RABGAP1L: variants seen among roughly 807,000 people sequenced by gnomAD.
RABGAP1L encodes RAB GTPase activating protein 1 like.
In RABGAP1L, 63 loss-of-function variants were observed where a neutral mutation model predicts 137.7. That is an observed-to-expected ratio of 0.46 (90% CI 0.37 to 0.56). The LOEUF (loss-of-function observed/expected upper bound fraction) is 0.56. Among genes scored for constraint, RABGAP1L ranks in the 20% least tolerant of loss-of-function variants. The pLI is 0.00. For synonymous variants in RABGAP1L, 431 were observed against 433.7 expected, an observed-to-expected ratio of 0.99 and a Z score of 0.08; for missense variants, 1,095 against 1,244.0, an observed-to-expected ratio of 0.88 and a Z score of 1.80.
chr1:174,692,300 G>A (rs986171677), intron 15 of RABGAP1L, among the ~76,000 whole-genome samples: 5 of 152,286 alleles, frequency 3.3e-5, no homozygotes, highest in Non-Finnish European at 2.9e-5. Flanking sequence ...ACAAATAACT[G>A]TAATGGTATA....
At chr1:174,283,872 C>A (rs1000563909) in intron 10 of RABGAP1L, among the ~76,000 whole-genome samples, 1 of 152,154 alleles carries the variant, frequency 6.6e-6, no homozygotes, top group African/African-American at 2.4e-5. Context: ...AGTATCACTT[C>A]ATTTATTTAG....
rs1226242293 is a variant in RABGAP1L, at chr1:174,379,028, A to G, written c.1559+7956A>G. 3.6e-5 allele frequency among the ~76,000 whole-genome samples: 5 copies of G among 137,584 alleles called. No individual in the cohort carries two copies. The South Asian group carries it at 9.1e-4, about 25-fold the overall frequency. 90.3% of individuals were successfully genotyped at this position (137,584 alleles called of 152,430 possible). ...ATGGCTAGCGAGTTTTCCCAGCACCATTTATTAAATAGGGAACCCTTTCCC... is the reference window on the plus strand; with the variant it reads ...ATGGCTAGCGAGTTTTCCCAGCACCGTTTATTAAATAGGGAACCCTTTCCC... On this transcript the variant is annotated intron_variant, in intron 12 of 25. Coordinates refer to ENST00000681986, the MANE Select transcript of RABGAP1L (RefSeq NM_001366446.1).
At chr1:174,711,107 C>T (rs1044394050) in intron 17 of RABGAP1L, among the ~76,000 whole-genome samples, 13 of 151,608 alleles carry the variant, frequency 8.6e-5, no homozygotes, top group African/African-American at 1.5e-4. Context: ...TGTCTGGGGC[C>T]GGCAGGGCCA....
intron 5 of RABGAP1L, among the ~76,000 whole-genome samples, chr1:174,242,013 C>T (rs754292812): frequency 5.9e-4 from 90 of 152,266 alleles, no homozygotes; most frequent in East Asian, 1.3e-3. Context: ...GTGCCTATAA[C>T]GATACCTGTT....
chr1:174,885,988 A>G (rs972088361), intron 19 of RABGAP1L, among the ~76,000 whole-genome samples: 1 of 149,590 alleles, frequency 6.7e-6, no homozygotes, highest in Non-Finnish European at 1.5e-5. Flanking sequence ...AAACAAAACG[A>G]TGATTAAATT....
At chr1:174,291,375 A>G (rs185163948) in intron 10 of RABGAP1L, among the ~76,000 whole-genome samples, 5 of 152,110 alleles carry the variant, frequency 3.3e-5, no homozygotes, top group East Asian at 3.9e-4. Flanking sequence ...ATACATTTTA[A>G]AAATAATTTT....
At chr1:174,613,059 A>C (rs944552541) in intron 13 of RABGAP1L, among the ~76,000 whole-genome samples, 3 of 150,288 alleles carry the variant, frequency 2.0e-5, no homozygotes, top group African/African-American at 7.4e-5. Context: ...TATTTCCTTC[A>C]GTTCTGCTCT....
intron 19 of RABGAP1L, among the ~76,000 whole-genome samples, chr1:174,816,879 C>T (rs1307473078): frequency 7.2e-5 from 11 of 152,084 alleles, no homozygotes; most frequent in Admixed American, 6.5e-5. Flanking sequence ...TACAGGCGTG[C>T]GCCACCATGC....
chr1:174,645,401 C>G (rs1030955754), intron 14 of RABGAP1L, among the ~76,000 whole-genome samples: 4 of 151,140 alleles, frequency 2.6e-5, no homozygotes, highest in South Asian at 2.1e-4. Context: ...CCCCCACCCC[C>G]CAACAGGCCC....
intron 13 of RABGAP1L, among the ~76,000 whole-genome samples, chr1:174,494,373 T>C (rs1388915645): frequency 1.3e-5 from 2 of 152,218 alleles, no homozygotes; most frequent in African/African-American, 4.8e-5. Context: ...TGACACTCTA[T>C]TCATCTCATC....
intron 17 of RABGAP1L, among the ~76,000 whole-genome samples, chr1:174,750,712 A>G (rs1007646650): frequency 4.6e-5 from 7 of 152,180 alleles, no homozygotes; most frequent in Admixed American, 2.6e-4. Context: ...AAAACTAGAC[A>G]TGAGAGGGAT....
intron 13 of RABGAP1L, among the ~76,000 whole-genome samples, chr1:174,510,332 C>A (rs1662216997): frequency 6.6e-6 from 1 of 152,024 alleles, no homozygotes; most frequent in South Asian, 2.1e-4. Context: ...CTGTTTTATC[C>A]GTAGCAAGTA....
At chr1:174,860,190 G>A (rs538523648) in intron 19 of RABGAP1L, among the ~76,000 whole-genome samples, 71 of 152,072 alleles carry the variant, frequency 4.7e-4, no homozygotes, top group African/African-American at 1.7e-3. Context: ...ACGAAAATCA[G>A]GAAGGAGATG....
chr1:174,764,100 A>G (rs2148710679), intron 18 of RABGAP1L, among the ~76,000 whole-genome samples: 1 of 152,196 alleles, frequency 6.6e-6, no homozygotes, highest in African/African-American at 2.4e-5. Context: ...CCTTAGCATA[A>G]TGTTTTCAAC....
At chr1:174,812,740 AAG>A (rs1415482857) in intron 19 of RABGAP1L, among the ~76,000 whole-genome samples, 1 of 152,214 alleles carries the variant, frequency 6.6e-6, no homozygotes, top group Non-Finnish European at 1.5e-5. Context: ...TGTGAAAAAA[AAG>A]AGAGTAGGGG....
chr1:174,628,915 T>C (rs1009966102), intron 13 of RABGAP1L, among the ~76,000 whole-genome samples: 20 of 152,192 alleles, frequency 1.3e-4, no homozygotes, highest in African/African-American at 4.1e-4. Flanking sequence ...ATAAAATGTT[T>C]TCAGCCATAT....
intron 13 of RABGAP1L, among the ~76,000 whole-genome samples, chr1:174,609,401 T>C (rs1671017608): frequency 6.6e-6 from 1 of 152,170 alleles, no homozygotes; most frequent in African/African-American, 2.4e-5. Context: ...GAGAGTCAAT[T>C]AGGAAAAAGT....
Position 174,448,437 on chromosome 1 carries a change from A to G in RABGAP1L, c.1710+54292A>G. 1 of 1,613,642 alleles carries G rather than the reference A, an allele frequency of 6.2e-7. No homozygotes were observed. Among genetic ancestry groups the G allele is most frequent in the Non-Finnish European group, 8.5e-7 (1 of 1,179,562 alleles). On this transcript the variant is annotated intron_variant, in intron 13 of 25. Transcript: ENST00000681986. This position sits in a 1 kb window ranked among gnomAD's most constrained non-coding sequence, Gnocchi z 4.2. Reference sequence around the variant, plus strand: ...CTTCTCCACTACTCCACAGGTGTCCACGAGTCATTGACTTGCCAGGTTTTT... The same window carrying G: ...CTTCTCCACTACTCCACAGGTGTCCGCGAGTCATTGACTTGCCAGGTTTTT...
At position 174,646,601 on chromosome 1, in the gene RABGAP1L, T is replaced by C. The variant is rs183199001; in HGVS notation, c.1824+9113T>C. Among the ~76,000 whole-genome samples, 141 of 152,288 alleles carry C rather than the reference T, an allele frequency of 9.3e-4. 1 individual carries two copies. The highest frequency in any genetic ancestry group is 3.1e-3 in the African/African-American group (128 of 41,546). On this transcript the variant is annotated intron_variant, in intron 14 of 25. Coordinates refer to ENST00000681986, the MANE Select transcript of RABGAP1L (RefSeq NM_001366446.1). ...GTTTTGATACCAGTACCATGCTGTT[T>C]TCGTTACTGTAGCCTTGTATTATAG...
Sources: gnomAD v4.1 joint callset for allele counts (sites outside exome capture counted in the v4.1 genomes callset) on GRCh38, gnomAD v4.1.1 for gene constraint, Gnocchi (gnomAD v3.1) non-coding constraint, MANE v1.5 for transcripts, NCBI Gene and HGNC (gene_info 2026-07-23, HGNC 2026-07-21) for gene names.